The following ATL1 variants were observed in gnomAD, a reference collection of about 807,000 sequenced individuals.
ATL1 encodes atlastin-1.
A neutral mutation model predicts 75.5 loss-of-function variants in ATL1; 31 were observed. The ratio of observed to expected loss-of-function variants is 0.41; its 90% CI spans 0.31 to 0.55. The LOEUF (loss-of-function observed/expected upper bound fraction) is 0.55. ATL1 is among the 20% of genes least tolerant of loss of function. The probability of loss-of-function intolerance (pLI) is 0.27; values close to 1 mark genes in which losing one functional copy is unlikely to be tolerated. For synonymous variants in ATL1, 226 were observed against 233.3 expected, an observed-to-expected ratio of 0.97 and a Z score of 0.28; for missense variants, 405 against 662.6, an observed-to-expected ratio of 0.61 and a Z score of 4.27.
Position 50,587,444 on chromosome 14 carries a change from T to C in ATL1, c.35-387T>C, listed in dbSNP as rs115206980. Among the ~76,000 whole-genome samples, 761 of 152,264 alleles carry C rather than the reference T, an allele frequency of 5.0e-3. 6 individuals are homozygous for C. The highest frequency in any genetic ancestry group is 0.017 in the African/African-American group (722 of 41,554). ...TTTCTTTTTTGAGACAGGGTCTCCCTCTATTGTCCAGGCTGGAGTGCAGTG... is the reference window on the plus strand; with the variant it reads ...TTTCTTTTTTGAGACAGGGTCTCCCCCTATTGTCCAGGCTGGAGTGCAGTG... On this transcript the variant is annotated intron_variant, in intron 1 of 13. Coordinates refer to ENST00000358385, the MANE Select transcript of ATL1 (RefSeq NM_015915.5).
Position 50,614,390 on chromosome 14 carries a change from T to G in ATL1, c.741T>G (p.His247Gln), listed in dbSNP as rs748802949. Residue 247 changes from histidine (H) to glutamine (Q), a missense_variant, in exon 8 of 14, where the codon CAT (histidine) becomes CAG (glutamine). His to Gln is a conservative substitution (Grantham distance 24, BLOSUM62 0). Around this residue, in one of 5 missense-constraint regions of ATL1, gnomAD observed 59 missense variants for 161.4 expected, o/e 0.37. Coordinates refer to ENST00000358385, the MANE Select transcript of ATL1 (RefSeq NM_015915.5). Reference sequence around the variant, plus strand: ...TACTGCAGGTCTCAGGGAACCAGCATGAAGAACTACAGAACGTCAGAAAAC... The same window carrying G: ...TACTGCAGGTCTCAGGGAACCAGCAGGAAGAACTACAGAACGTCAGAAAAC... ...EKRLKVSGNQ[H>Q]EELQNVRKHI... 2 of 1,613,928 alleles carry G rather than the reference T, an allele frequency of 1.2e-6. No individual in the cohort carries two copies. The highest frequency in any genetic ancestry group is 2.2e-5 in the East Asian group (1 of 44,886).
chr14:50,628,478 A>T lies in ATL1; in HGVS notation c.1551+16A>T, dbSNP rs762812272. 6.2e-6 allele frequency: 10 copies of T among 1,612,122 alleles called. No individual in the cohort carries two copies. The highest frequency in any genetic ancestry group is 3.4e-6 in the Non-Finnish European group (4 of 1,178,728). On this transcript the variant is annotated intron_variant, in intron 12 of 13. Transcript: ENST00000358385. ...GTGGGACCAGGTAAGAACACCTTTA[A>T]TTCACAACTAAATTCAGCACACATT...
In ATL1 at chr14:50,567,423, C is replaced by T. The variant is rs147926886; in HGVS notation, c.34+7124C>T. 5.4e-3 allele frequency among the ~76,000 whole-genome samples: 818 copies of T among 152,246 alleles called. 8 individuals are homozygous for T. Among genetic ancestry groups the T allele is most frequent in the Non-Finnish European group, 8.9e-3 (605 of 68,016 alleles). ...CTATTGTGAATGATGCTTCTATGAA[C>T]ATGGTGTACAAGTATCCCTTTGAGA... On this transcript the variant is annotated intron_variant, in intron 1 of 13. Coordinates refer to ENST00000358385, the MANE Select transcript of ATL1 (RefSeq NM_015915.5).
intron 5 of ATL1, 108 bp downstream of exon 5, chr14:50,594,004 T>C: frequency 1.1e-6 from 1 of 876,560 alleles, no homozygotes; most frequent in Non-Finnish European, 1.8e-6. Flanking sequence ...TTCTGCTGTT[T>C]AAACAGGAAC....
At chr14:50,604,935 A>G (rs1015851477) in intron 6 of ATL1, among the ~76,000 whole-genome samples, 1 of 152,104 alleles carries the variant, frequency 6.6e-6, no homozygotes, top group East Asian at 1.9e-4. Flanking sequence ...AGATACTTCA[A>G]GTAATTAGAT....
chr14:50,629,973 T>G (rs2039564082), intron 12 of ATL1, 22 bp from the exon 13 acceptor site: 1 of 1,574,926 alleles, frequency 6.3e-7, no homozygotes. Flanking sequence ...TCTTTTTTCT[T>G]TTTAATCTGC....
intron 1 of ATL1, among the ~76,000 whole-genome samples, chr14:50,544,055 G>A (rs954566293): frequency 9.2e-5 from 14 of 152,312 alleles, no homozygotes; most frequent in East Asian, 5.8e-4. Context: ...TTATTGCTCC[G>A]CAAAGGAAAC....
chr14:50,599,910 A>G (rs938848577), intron 6 of ATL1, among the ~76,000 whole-genome samples: 1 of 151,498 alleles, frequency 6.6e-6, no homozygotes, highest in African/African-American at 2.4e-5. Flanking sequence ...TGTGGGGAGG[A>G]GGTGAGGTAG....
At chr14:50,560,109 C>G (rs1362703637), upstream of ATL1, 5 of 811,270 alleles carry the variant, frequency 6.2e-6, no homozygotes, top group Non-Finnish European at 1.0e-5. Flanking sequence ...CCTTTTCCTC[C>G]CCACTCCTTC....
chr14:50,574,935 G>GTA (rs1446555904), intron 1 of ATL1, among the ~76,000 whole-genome samples: 106 of 34,558 alleles, frequency 3.1e-3, no homozygotes, highest in East Asian at 0.02. Flanking sequence ...GTGTGTGTGT[G>GTA]TGTATATATA....
At chr14:50,555,543 C>G (rs2038755801), upstream of ATL1, among the ~76,000 whole-genome samples, 1 of 152,188 alleles carries the variant, frequency 6.6e-6, no homozygotes, top group Non-Finnish European at 1.5e-5. Context: ...CTTGGCCTCT[C>G]AAAGTGCTGG....
chr14:50,569,622 ATTTACC>A (rs962659557), intron 1 of ATL1, among the ~76,000 whole-genome samples: 71 of 152,182 alleles, frequency 4.7e-4, no homozygotes, highest in African/African-American at 1.7e-3. Context: ...TTGCCCATGT[ATTTACC>A]TTTACTGAGA....
At chr14:50,533,781 A>G (rs1443865208) in intron 1 of ATL1, among the ~76,000 whole-genome samples, 3 of 152,038 alleles carry the variant, frequency 2.0e-5, no homozygotes, top group Non-Finnish European at 2.9e-5. Context: ...TAATTGTATA[A>G]TGTATAATAA....
chr14:50,607,102 C>G (rs1421957715), intron 6 of ATL1, among the ~76,000 whole-genome samples: 2 of 151,954 alleles, frequency 1.3e-5, no homozygotes, highest in Non-Finnish European at 2.9e-5. Flanking sequence ...GTTGTTGAGA[C>G]AGATTCACCT....
At chr14:50,545,485 C>G (rs903019735) in intron 1 of ATL1, among the ~76,000 whole-genome samples, 1 of 152,152 alleles carries the variant, frequency 6.6e-6, no homozygotes, top group Non-Finnish European at 1.5e-5. Context: ...TCCAACTGCT[C>G]AACCTTTGTG....
At chr14:50,538,769 C>T (rs1260387504) in intron 1 of ATL1, among the ~76,000 whole-genome samples, 1 of 152,156 alleles carries the variant, frequency 6.6e-6, no homozygotes, top group Non-Finnish European at 1.5e-5. Flanking sequence ...CTCAGGATTC[C>T]TCACTATCTA....
chr14:50,568,953 TCTC>T (rs1389417052), intron 1 of ATL1, among the ~76,000 whole-genome samples: 8 of 152,168 alleles, frequency 5.3e-5, no homozygotes, highest in African/African-American at 1.9e-4. Flanking sequence ...CAAAAATTCT[TCTC>T]CTTTACATGT....
intron 1 of ATL1, among the ~76,000 whole-genome samples, chr14:50,576,355 A>G (rs770433521): frequency 2.0e-5 from 3 of 152,172 alleles, no homozygotes; most frequent in Non-Finnish European, 4.4e-5. Context: ...GAGCATCTGT[A>G]TAGTTGGTTC....
intron 6 of ATL1, among the ~76,000 whole-genome samples, chr14:50,603,637 A>C (rs1205549031): frequency 1.3e-5 from 2 of 152,182 alleles, no homozygotes; most frequent in Non-Finnish European, 2.9e-5. Context: ...TGATTTGAGA[A>C]TGTCCATTTG....
Sources: gnomAD v4.1 joint callset for allele counts (sites outside exome capture counted in the v4.1 genomes callset) on GRCh38, gnomAD v4.1.1 for gene constraint, gnomAD v4.1.1 regional missense constraint, MANE v1.5 for transcripts, NCBI Gene and HGNC (gene_info 2026-07-23, HGNC 2026-07-21) for gene names.